Variants in ITGAV observed in about 807,000 individuals in gnomAD.
ITGAV encodes the protein integrin subunit alpha V, also known as integrin alpha-V.
ITGAV carries 76 observed loss-of-function variants against 143.8 expected under a neutral mutation model. The ratio of observed to expected loss-of-function variants is 0.53; its 90% CI spans 0.44 to 0.64. The LOEUF is 0.64. Among genes scored for constraint, ITGAV ranks in the 30% least tolerant of loss-of-function variants. The pLI is 0.00. For synonymous variants in ITGAV, 453 were observed against 446.7 expected (o/e 1.01, Z -0.18); for missense variants, 1,193 against 1,274.7 (o/e 0.94, Z 0.98).
At position 186,590,491 on chromosome 2, in the gene ITGAV, C is replaced by T. The variant is rs1157905919; in HGVS notation, c.153C>T (p.Phe51=). 3 of 1,611,032 alleles carry T rather than the reference C, an allele frequency of 1.9e-6. No individual in the cohort carries two copies. The highest frequency in any genetic ancestry group is 1.1e-5 in the South Asian group (1 of 90,812). Residue 51 remains phenylalanine (F), a synonymous_variant, in exon 1 of 30, where the codon TTC becomes TTT. Coordinates refer to ENST00000261023, the MANE Select transcript of ITGAV (RefSeq NM_002210.5). ...GCCCCGAGGGAAGTTACTTCGGCTT[C>T]GCCGTGGATTTCTTCGTGCCCAGCG... is the stretch of plus-strand genomic sequence containing the variant. ...YSGPEGSYFG[F]AVDFFVPSAS...
At chr2:186,616,266 A>G (rs1687354377) in intron 2 of ITGAV, among the ~76,000 whole-genome samples, 3 of 145,264 alleles carry the variant, frequency 2.1e-5, no homozygotes, top group African/African-American at 7.6e-5. Flanking sequence ...AGTCAATGAT[A>G]TACCTTATTT....
At position 186,667,135 on chromosome 2, in the gene ITGAV, T is replaced by G. The variant is rs1031222393; in HGVS notation, c.2247-15T>G. On this transcript the variant is annotated splice_polypyrimidine_tract_variant and intron_variant, in intron 22 of 29. Transcript: ENST00000261023. ...ATGCATAATTCATTTTTAAGTTTTTTTTTTTCTTTTTCAGCTCAAATCTAT... is the reference window on the plus strand; with the variant it reads ...ATGCATAATTCATTTTTAAGTTTTTGTTTTTCTTTTTCAGCTCAAATCTAT... 6.3e-7 allele frequency: 1 copy of G among 1,592,508 alleles called. No homozygotes were observed. The highest frequency in any genetic ancestry group is 1.4e-5 in the African/African-American group (1 of 73,510).
At chr2:186,618,966 A>G (rs1211628797) in intron 2 of ITGAV, among the ~76,000 whole-genome samples, 1 of 152,162 alleles carries the variant, frequency 6.6e-6, no homozygotes, top group East Asian at 1.9e-4. Context: ...TATTTATTGG[A>G]ACACTATTCA....
intron 11 of ITGAV, 65 bp downstream of exon 11, chr2:186,641,032 C>G: frequency 8.1e-7 from 1 of 1,228,080 alleles, no homozygotes; most frequent in Non-Finnish European, 1.2e-6. Context: ...TTTACTCAAA[C>G]TAAACATTTT....
chr2:186,653,704 C>T (rs924292466), intron 15 of ITGAV, among the ~76,000 whole-genome samples: 4 of 152,018 alleles, frequency 2.6e-5, no homozygotes, highest in Admixed American at 1.3e-4. Flanking sequence ...GTGAAGTTGC[C>T]AATAATCTGC....
At chr2:186,627,037 A>C (rs939789234) in intron 4 of ITGAV, among the ~76,000 whole-genome samples, 2 of 152,210 alleles carry the variant, frequency 1.3e-5, no homozygotes, top group Non-Finnish European at 2.9e-5. Context: ...TGATGTACAC[A>C]CACACGCAGT....
chr2:186,622,465 T>C, intron 3 of ITGAV, 35 bp downstream of exon 3: 1 of 1,377,100 alleles, frequency 7.3e-7, no homozygotes, highest in Non-Finnish European at 1.0e-6. Flanking sequence ...CAGGTGATTT[T>C]AGTCAGTTTA....
chr2:186,676,934 G>A lies in ITGAV; in HGVS notation c.3050G>A (p.Arg1017Lys), dbSNP rs745374600. The change falls in exon 29 of 30, where the codon AGG (arginine) becomes AAG (lysine). Residue 1017 changes from arginine to lysine, a missense_variant and splice_region_variant. By Grantham distance (26) the Arg-to-Lys change is conservative. Coordinates refer to ENST00000261023, the MANE Select transcript of ITGAV (RefSeq NM_002210.5). ...GCTGTTTTGGTATTTGTAATGTACA[G>A]GGTAAGTAACGGACTTAGAAAGAAG... is the stretch of plus-strand genomic sequence containing the variant. Reference protein sequence around the residue: ...LLAVLVFVMYRMGFFKRVRPP... With the variant: ...LLAVLVFVMYKMGFFKRVRPP... The A allele has an allele frequency of 2.2e-5, 35 of 1,613,272 alleles. No individual in the cohort carries two copies. In the African/African-American group the frequency reaches 3.9e-4, roughly 18 times the overall value.
At chr2:186,664,185 C>G in intron 19 of ITGAV, among the ~76,000 whole-genome samples, 1 of 152,112 alleles carries the variant, frequency 6.6e-6, no homozygotes, top group East Asian at 1.9e-4. Context: ...AGAATTATGA[C>G]ACGTGATTAA....
intron 20 of ITGAV, 25 bp downstream of exon 20, chr2:186,664,666 T>C (rs1165016399): frequency 3.1e-6 from 5 of 1,613,838 alleles, no homozygotes; most frequent in Non-Finnish European, 4.2e-6. Flanking sequence ...TCTTTAAAAA[T>C]TGAAATGCAC....
At chr2:186,615,350 T>C (rs761794875) in intron 2 of ITGAV, among the ~76,000 whole-genome samples, 9 of 152,024 alleles carry the variant, frequency 5.9e-5, no homozygotes, top group Non-Finnish European at 1.2e-4. Flanking sequence ...CATATGGTAA[T>C]CTATATTTAC....
At chr2:186,654,477 A>G (rs1031547076) in intron 15 of ITGAV, among the ~76,000 whole-genome samples, 173 bp from the exon 16 acceptor site, 5 of 152,170 alleles carry the variant, frequency 3.3e-5, no homozygotes, top group African/African-American at 1.2e-4. Context: ...TTACTGAAGG[A>G]TGAGTTAGGT....
At chr2:186,615,693 T>C (rs1687335781) in intron 2 of ITGAV, among the ~76,000 whole-genome samples, 1 of 151,964 alleles carries the variant, frequency 6.6e-6, no homozygotes, top group African/African-American at 2.4e-5. Flanking sequence ...TTTTTTTTCA[T>C]ATTATTTAGG....
chr2:186,649,872 G>GGTGGT lies in ITGAV; in HGVS notation c.1384_1385insGTGGT (p.Ala462GlyfsTer14). ...TGTAGGAGCTTTTGGTGTAGATCGAGCTATCTTATACAGGTGAGCATTTTC... is the reference window on the plus strand; with the variant it reads ...TGTAGGAGCTTTTGGTGTAGATCGAGGTGGTCTATCTTATACAGGTGAGCATTTTC... On this transcript the variant is annotated frameshift_variant, in exon 14 of 30. Coordinates refer to ENST00000261023, the MANE Select transcript of ITGAV (RefSeq NM_002210.5). LOFTEE classifies it high-confidence loss of function. The GGTGGT allele has an allele frequency of 6.5e-7, 1 of 1,548,060 alleles. No individual in the cohort carries two copies. Among genetic ancestry groups the GGTGGT allele is most frequent in the Non-Finnish European group, 8.7e-7 (1 of 1,146,274 alleles).
intron 17 of ITGAV, among the ~76,000 whole-genome samples, chr2:186,656,743 G>A (rs1315647061): frequency 6.6e-6 from 1 of 152,128 alleles, no homozygotes; most frequent in Non-Finnish European, 1.5e-5. Context: ...AATCTGAATT[G>A]TGAGTTATAA....
chr2:186,604,052 A>T (rs1179237293), intron 2 of ITGAV, among the ~76,000 whole-genome samples: 9 of 150,998 alleles, frequency 6.0e-5, no homozygotes, highest in African/African-American at 1.2e-4. Context: ...TTTTTTTTTT[A>T]AAGAGATGGG....
chr2:186,637,030 G>C (rs1687963449), intron 7 of ITGAV, 35 bp from the exon 8 acceptor site: 2 of 1,591,478 alleles, frequency 1.3e-6, no homozygotes, highest in Admixed American at 1.7e-5. Flanking sequence ...TAACGTCCTT[G>C]TCCTGATGGT....
At chr2:186,602,194 A>ATT (rs200501166) in intron 2 of ITGAV, 43 bp downstream of exon 2, 432 of 1,441,054 alleles carry the variant, frequency 3.0e-4, no homozygotes, top group Non-Finnish European at 3.6e-4. Flanking sequence ...ATTTCATTTG[A>ATT]TTTTTTTTTT....
chr2:186,614,879 A>G (rs1388887900), intron 2 of ITGAV, among the ~76,000 whole-genome samples: 1 of 152,008 alleles, frequency 6.6e-6, no homozygotes, highest in Non-Finnish European at 1.5e-5. Context: ...ATTTACCATA[A>G]CATTGACCTG....
Sources: gnomAD v4.1 joint callset for allele counts (sites outside exome capture counted in the v4.1 genomes callset) on GRCh38, gnomAD v4.1.1 for gene constraint, MANE v1.5 for transcripts, NCBI Gene and HGNC (gene_info 2026-07-23, HGNC 2026-07-21) for gene names.